Variants in ADCY9 observed in about 807,000 individuals in gnomAD.
ADCY9 encodes the protein adenylate cyclase type 9.
Under a neutral mutation model 101.5 loss-of-function variants are expected in ADCY9, and 50 were observed. The observed-to-expected ratio is 0.49, with a 90% CI of 0.39 to 0.62. The LOEUF (loss-of-function observed/expected upper bound fraction) is 0.62, where lower values mean the gene tolerates loss of function less well. ADCY9 is among the 20% of genes least tolerant of loss of function. The pLI, the probability that ADCY9 is intolerant of heterozygous loss-of-function variation, is 0.00. For synonymous variants in ADCY9, 905 were observed against 769.3 expected (o/e 1.18, Z -2.92); for missense variants, 1,662 against 1,800.4 (o/e 0.92, Z 1.39).
chr16:4,115,656 C>G lies in ADCY9; in HGVS notation c.-44+34G>C. The G allele has an allele frequency of 1.6e-6, 1 of 607,784 alleles. No homozygotes were observed. 37.6% of individuals were successfully genotyped at this position (607,784 alleles called of 1,614,324 possible). A position where few individuals can be genotyped will look rare whatever the true frequency, so the allele number is the denominator to read the frequency against. On this transcript the variant is annotated intron_variant, in intron 1 of 10. Transcript: ENST00000294016. This position sits in a 1 kb window ranked among gnomAD's most constrained non-coding sequence, Gnocchi z 6.2. ...GCTCCCACCGCCCCCACCGCCCCCA[C>G]CTTCGAGGCGCACGAGAACCGCTCG...
rs1298480719 is a variant in ADCY9, at chr16:4,115,222, C to A, written c.221G>T (p.Arg74Leu). Residue 74 changes from arginine (R) to leucine (L), a missense_variant, in exon 2 of 11, where the codon CGC becomes CTC. Transcript: ENST00000294016. This position sits in a 1 kb window ranked among gnomAD's most constrained non-coding sequence, Gnocchi z 6.2. ...CAGCTGGGGCAGCTTCTTCTGCCTG[C>A]GCAGCCGGCCTCCGCCGCCCACTCG... Reference protein sequence around the residue: ...PRRVGGGGRLRRQKKLPQLFE... With the variant: ...PRRVGGGGRLLRQKKLPQLFE... 2 of 1,613,016 alleles carry A rather than the reference C, an allele frequency of 1.2e-6. No individual in the cohort carries two copies. Among genetic ancestry groups the A allele is most frequent in the Non-Finnish European group, 1.7e-6 (2 of 1,179,636 alleles).
chr16:4,039,342 T>C (rs2056611457), intron 2 of ADCY9, among the ~76,000 whole-genome samples: 1 of 152,194 alleles, frequency 6.6e-6, no homozygotes, highest in South Asian at 2.1e-4. Context: ...TTTTAATTCT[T>C]GTCTTTTTAA....
At chr16:4,067,060 T>C (rs1303044626) in intron 2 of ADCY9, among the ~76,000 whole-genome samples, 1 of 152,198 alleles carries the variant, frequency 6.6e-6, no homozygotes, top group Non-Finnish European at 1.5e-5. Context: ...AAATTGCGGC[T>C]GATGCCCAGC....
chr16:4,036,463 T>G (rs1402828154), intron 2 of ADCY9, among the ~76,000 whole-genome samples: 1 of 13,152 alleles, frequency 7.6e-5, no homozygotes, highest in African/African-American at 1.3e-4. Context: ...GGTTTGTTTG[T>G]TTTTTTTTTT....
Position 3,965,835 on chromosome 16 carries a change from G to T in ADCY9, c.4002C>A (p.Asp1334Glu). The change falls in exon 11 of 11, where the codon GAC (aspartate) becomes GAA (glutamate). Residue 1334 changes from aspartate (D) to glutamate (E), a missense_variant. By Grantham distance (45) the Asp-to-Glu change is conservative (BLOSUM62 2). Coordinates refer to ENST00000294016, the MANE Select transcript of ADCY9 (RefSeq NM_001116.4). ...FGKAIEKDDCDETGIEEANEL... is the reference protein window; with the variant it reads ...FGKAIEKDDCEETGIEEANEL... ...CGTTGGCTTCTTCTATTCCTGTTTC[G>T]TCACAGTCGTCTTTCTCTATGGCTT... The T allele has an allele frequency of 6.2e-7, 1 of 1,614,122 alleles. No homozygotes were observed. Among genetic ancestry groups the T allele is most frequent in the Non-Finnish European group, 8.5e-7 (1 of 1,180,032 alleles).
intron 2 of ADCY9, among the ~76,000 whole-genome samples, chr16:4,089,617 T>A (rs999073546): frequency 6.6e-6 from 1 of 152,032 alleles, no homozygotes; most frequent in African/African-American, 2.4e-5. Context: ...GGCCCTACGG[T>A]AGCTCCGTGC....
intron 3 of ADCY9, among the ~76,000 whole-genome samples, chr16:3,993,898 C>T (rs894704706): frequency 5.3e-5 from 8 of 152,116 alleles, no homozygotes; most frequent in African/African-American, 1.9e-4. Context: ...ACAGATATTA[C>T]GTGATCCCGT....
At chr16:4,036,462 G>GT (rs59816813) in intron 2 of ADCY9, among the ~76,000 whole-genome samples, 64,277 of 103,628 alleles carry the variant, frequency 0.62, 22,779 homozygotes, top group East Asian at 0.83. Context: ...GGGTTTGTTT[G>GT]TTTTTTTTTT....
chr16:4,091,207 G>A (rs1447016068), intron 2 of ADCY9, among the ~76,000 whole-genome samples: 3 of 152,180 alleles, frequency 2.0e-5, no homozygotes, highest in Non-Finnish European at 4.4e-5. Context: ...CCGAGTAGCT[G>A]GGATTATAAG....
intron 2 of ADCY9, among the ~76,000 whole-genome samples, chr16:4,067,599 G>A (rs898831308): frequency 2.6e-5 from 4 of 152,076 alleles, no homozygotes; most frequent in Non-Finnish European, 5.9e-5. Flanking sequence ...AAGTACTGGG[G>A]TAGCTCTACC....
intron 2 of ADCY9, among the ~76,000 whole-genome samples, chr16:4,057,038 G>GCC (rs375745334): frequency 8.4e-5 from 7 of 83,540 alleles, no homozygotes; most frequent in South Asian, 3.4e-4. Context: ...TGATGAAACC[G>GCC]CCCCCCCCCC....
At chr16:3,957,230 G>A (rs1302217635) in intron 5 of ADCY9, among the ~76,000 whole-genome samples, 1 of 152,160 alleles carries the variant, frequency 6.6e-6, no homozygotes, top group Non-Finnish European at 1.5e-5. Context: ...GTTAGAACCT[G>A]GGCTTTCTAA....
intron 6 of ADCY9, chr16:3,983,829 G>C (rs1051955167): frequency 5.1e-6 from 1 of 195,160 alleles, no homozygotes; most frequent in African/African-American, 2.3e-5. Flanking sequence ...GGAGGATGAC[G>C]CAGGAGGATT....
chr16:4,097,544 TA>T (rs1597224280), intron 2 of ADCY9, among the ~76,000 whole-genome samples: 1 of 50,256 alleles, frequency 2.0e-5, no homozygotes, highest in Non-Finnish European at 3.6e-5. Context: ...TATATATATA[TA>T]TATATATATT....
chr16:3,972,513 G>A (rs1038462590), intron 10 of ADCY9, among the ~76,000 whole-genome samples: 11 of 152,132 alleles, frequency 7.2e-5, no homozygotes, highest in African/African-American at 2.4e-4. Flanking sequence ...GATTACAGGC[G>A]TGAGCCACCA....
intron 3 of ADCY9, among the ~76,000 whole-genome samples, chr16:4,001,931 T>C (rs979631092): frequency 6.6e-6 from 1 of 152,084 alleles, no homozygotes; most frequent in Non-Finnish European, 1.5e-5. Context: ...AAATTTTTAG[T>C]AGACATGGGG....
chr16:4,099,254 G>A (rs1422353921), intron 2 of ADCY9, among the ~76,000 whole-genome samples: 1 of 151,856 alleles, frequency 6.6e-6, no homozygotes, highest in African/African-American at 2.4e-5. Flanking sequence ...TTTTTATCAC[G>A]ATTTACCTAC....
chr16:3,999,015 C>A (rs1423006683), intron 3 of ADCY9, among the ~76,000 whole-genome samples: 1 of 152,098 alleles, frequency 6.6e-6, no homozygotes, highest in Non-Finnish European at 1.5e-5. Context: ...AGACATTTCA[C>A]AACATGTTTT....
chr16:4,036,369 T>C (rs1176027221), intron 2 of ADCY9, among the ~76,000 whole-genome samples: 1 of 151,962 alleles, frequency 6.6e-6, no homozygotes, highest in Non-Finnish European at 1.5e-5. Flanking sequence ...TGTGAGAAAT[T>C]TTATGGCATG....
Sources: gnomAD v4.1 joint callset for allele counts (sites outside exome capture counted in the v4.1 genomes callset) on GRCh38, gnomAD v4.1.1 for gene constraint, Gnocchi (gnomAD v3.1) non-coding constraint, MANE v1.5 for transcripts, NCBI Gene and HGNC (gene_info 2026-07-23, HGNC 2026-07-21) for gene names.